The following PKP3 variants were observed in gnomAD, a reference collection of about 807,000 sequenced individuals.
PKP3 encodes plakophilin 3.
In PKP3, 66 loss-of-function variants were observed where a neutral mutation model predicts 76.5. That is an observed-to-expected ratio of 0.86 (90% CI 0.71 to 1.06). PKP3 has a LOEUF of 1.06. PKP3 is among the 50% of genes least tolerant of loss of function. The pLI is 0.00. For missense variants in PKP3, 1,338 were observed against 1,141.0 expected, an observed-to-expected ratio of 1.17 and a Z score of -2.49; for synonymous variants, 638 against 516.5, an observed-to-expected ratio of 1.24 and a Z score of -3.19.
intron 4 of PKP3, 170 bp downstream of exon 4, chr11:397,832 T>C (rs979886701): frequency 3.1e-6 from 2 of 648,018 alleles, no homozygotes; most frequent in Non-Finnish European, 5.2e-6. Flanking sequence ...AGGATACAAT[T>C]TGGATACACC....
In PKP3 at chr11:397,042, C is replaced by A. The variant is rs774558226; in HGVS notation, c.541C>A (p.Leu181Met). 2.9e-5 allele frequency: 46 copies of A among 1,599,484 alleles called. No homozygotes were observed. In the East Asian group the frequency reaches 6.5e-4, roughly 22 times the overall value. ...CCGGGCCGACTATGACACACTCTCC[C>A]TGCGCTCGCTGCGGCTGGGGCCCGG... The part of the protein sequence containing the change: ...GSRADYDTLS[L>M]RSLRLGPGGL... Residue 181 changes from leucine (L) to methionine (M), a missense_variant, in exon 3 of 13, where the codon CTG becomes ATG. Physicochemically the swap from Leu to Met is conservative, Grantham distance 15. Transcript: ENST00000331563.
chr11:400,344 T>C lies in PKP3; in HGVS notation c.1459T>C (p.Ser487Pro), dbSNP rs1456874892. Residue 487 changes from serine (S) to proline (P), a missense_variant, in exon 7 of 13, where the codon TCA becomes CCA. Ser to Pro is a moderately conservative substitution (Grantham distance 74). Transcript: ENST00000331563. ...CACCTCGGTCCCCAGGAACCTCAGC[T>C]CAGCCTCTCAGGCCACTCGCCAGAA... ...NATGFLRNLS[S>P]ASQATRQKMR... The C allele has an allele frequency of 3.2e-6, 5 of 1,549,160 alleles. No homozygotes were observed. The highest frequency in any genetic ancestry group is 4.4e-6 in the Non-Finnish European group (5 of 1,146,340).
chr11:393,181 A>G (rs1846997640), upstream of PKP3, among the ~76,000 whole-genome samples: 1 of 148,894 alleles, frequency 6.7e-6, no homozygotes. Flanking sequence ...TGCTAGAAGG[A>G]GACCTTCTGG....
intron 4 of PKP3, among the ~76,000 whole-genome samples, 187 bp from the exon 5 acceptor site, chr11:398,776 CCGTCACCTCCGTACCCCCGCACACACCTG>C (rs1564879890): frequency 2.2e-3 from 152 of 68,332 alleles, no homozygotes; most frequent in Middle Eastern, 8.9e-3. Flanking sequence ...GCACACACCT[CCGTCACCTCCGTACCCCCGCACACACCTG>C]CGTCACCTCC....
In PKP3 at chr11:394,476, C is replaced by A. The variant is rs781304450; in HGVS notation, c.184C>A (p.Arg62=). Reference sequence around the variant, plus strand: ...CCTCTTGCAGCTGGGACAGCAGCCGCGGCACAACGGGGCCGCTGAGCCCGA... The same window carrying A: ...CCTCTTGCAGCTGGGACAGCAGCCGAGGCACAACGGGGCCGCTGAGCCCGA... ...ARLLQLGQQP[R]HNGAAEPEPE... is the part of the protein sequence containing the mutation. Residue 62 remains arginine (R), a synonymous_variant, in exon 1 of 13, where the codon CGG becomes AGG. Transcript: ENST00000331563. The A allele has an allele frequency of 1.4e-6, 2 of 1,431,608 alleles. No homozygotes were observed. The highest frequency in any genetic ancestry group is 9.1e-7 in the Non-Finnish European group (1 of 1,099,188). 88.7% of individuals were successfully genotyped at this position (1,431,608 alleles called of 1,614,324 possible). A position where few individuals can be genotyped will look rare whatever the true frequency, so the allele number is the denominator to read the frequency against.
At chr11:394,832 G>A (rs1027219767) in intron 1 of PKP3, among the ~76,000 whole-genome samples, 3 of 152,190 alleles carry the variant, frequency 2.0e-5, no homozygotes, top group South Asian at 2.1e-4. Context: ...CAGGCCACTC[G>A]GTCGGCAAAC....
chr11:396,786 G>T (rs753292327), intron 2 of PKP3, 28 bp from the exon 3 acceptor site: 2 of 1,565,154 alleles, frequency 1.3e-6, no homozygotes, highest in African/African-American at 1.3e-5. Context: ...GCCCAGGCAC[G>T]CCCTCACCGC....
At chr11:398,878 A>G in intron 4 of PKP3, 114 bp from the exon 5 acceptor site, 1 of 806,974 alleles carries the variant, frequency 1.2e-6, no homozygotes, top group Non-Finnish European at 1.9e-6. Flanking sequence ...ACCTCCCTAT[A>G]CGGCTGCATC....
In PKP3 at chr11:403,282, A is replaced by G. The variant is rs1847188705; in HGVS notation, c.1923+19A>G. ...CCGCAGGGTGGGGCACCCAACCCAG[A>G]CCCGAGGGGGTCCCAGGGGTTCATG... is the stretch of plus-strand genomic sequence containing the variant. On this transcript the variant is annotated intron_variant, in intron 9 of 12. Transcript: ENST00000331563. 6.7e-7 allele frequency: 1 copy of G among 1,499,706 alleles called. No homozygotes were observed. The highest frequency in any genetic ancestry group is 8.9e-7 in the Non-Finnish European group (1 of 1,122,392). The allele number at this position is 1,499,706 out of a possible 1,614,324, so 92.9% of individuals were successfully genotyped here.
chr11:398,976 A>G lies in PKP3; in HGVS notation c.1069-16A>G, dbSNP rs1219900825. 6.5e-7 allele frequency: 1 copy of G among 1,543,888 alleles called. No individual in the cohort carries two copies. Among genetic ancestry groups the G allele is most frequent in the Middle Eastern group, 1.8e-4 (1 of 5,674 alleles). On this transcript the variant is annotated splice_polypyrimidine_tract_variant and intron_variant, in intron 4 of 12. Coordinates refer to ENST00000331563, the MANE Select transcript of PKP3 (RefSeq NM_007183.4). ...TCCACATGCGTCTGTGCACCCCCAT[A>G]TGCCTGTGCCCGCAGGCCCGCAGCC...
rs1271922819 is a variant in PKP3 at position 397,656 on chromosome 11, G to T, written c.1062G>T (p.Lys354Asn). 12 of 1,610,726 alleles carry T rather than the reference G, an allele frequency of 7.5e-6. No homozygotes were observed. Among genetic ancestry groups the T allele is most frequent in the Admixed American group, 1.7e-5 (1 of 59,780 alleles). Residue 354 changes from lysine (K) to asparagine (N), a missense_variant, in exon 4 of 13, where the codon AAG becomes AAT. Lys to Asn is a moderately conservative substitution (Grantham distance 94). Coordinates refer to ENST00000331563, the MANE Select transcript of PKP3 (RefSeq NM_007183.4). ...QHKCYSDAAA[K>N]KQARSLQAVP... is the part of the protein sequence containing the mutation. ...AGTGCTACAGCGATGCAGCCGCCAAGAAGCAGGTGACCACCCCGACCACCC... is the reference window on the plus strand; with the variant it reads ...AGTGCTACAGCGATGCAGCCGCCAATAAGCAGGTGACCACCCCGACCACCC...
rs1847181401 is a variant in PKP3, at chr11:403,016, CCCGACCCG to C, written c.1738-60_1738-53del. On this transcript the variant is annotated intron_variant, in intron 8 of 12. Transcript: ENST00000331563. Reference sequence around the variant, plus strand: ...CCCCACTCACACCCGACCCGCTCACCCCGACCCGCTCACCCCGACCCGCTCACCCCGAC... The same window carrying C: ...CCCCACTCACACCCGACCCGCTCACCCTCACCCCGACCCGCTCACCCCGAC... The C allele has an allele frequency of 1.2e-5, 7 of 585,960 alleles. 2 individuals are homozygous for C. Among genetic ancestry groups the C allele is most frequent in the African/African-American group, 9.8e-5 (1 of 10,204 alleles). The allele number at this position is 585,960 out of a possible 1,614,324, so 36.3% of individuals were successfully genotyped here. A position where few individuals can be genotyped will look rare whatever the true frequency, so the allele number is the denominator to read the frequency against.
chr11:397,180 G>C lies in PKP3; in HGVS notation c.679G>C (p.Gly227Arg). ...GGCCAGCTCCAGCTCCAGCCGGGCA[G>C]GGGGGCTGGACTGGCCCGAGGCCAC... ...RQASSSSSRA[G>R]GLDWPEATEV... The change falls in exon 3 of 13, where the codon GGG (glycine) becomes CGG (arginine). Residue 227 changes from glycine (G) to arginine (R), a missense_variant. Physicochemically the swap from Gly to Arg is moderately radical, Grantham distance 125. Coordinates refer to ENST00000331563, the MANE Select transcript of PKP3 (RefSeq NM_007183.4). 3 of 1,598,144 alleles carry C rather than the reference G, an allele frequency of 1.9e-6. No individual in the cohort carries two copies. The highest frequency in any genetic ancestry group is 1.1e-5 in the South Asian group (1 of 90,996).
chr11:396,323 C>T, intron 1 of PKP3: 1 of 411,574 alleles, frequency 2.4e-6, no homozygotes, highest in Non-Finnish European at 4.3e-6. Context: ...TGGCACATTC[C>T]TCCTGGCGAC....
upstream of PKP3, chr11:394,134 C>T: frequency 2.5e-6 from 3 of 1,193,412 alleles, no homozygotes; most frequent in Non-Finnish European, 3.3e-6. Flanking sequence ...GTGTCCCCGC[C>T]CCCAGCTGCG....
At chr11:399,698 C>T (rs1050141259) in intron 5 of PKP3, among the ~76,000 whole-genome samples, 9 of 150,178 alleles carry the variant, frequency 6.0e-5, no homozygotes, top group African/African-American at 1.2e-4. Context: ...CCTGGACCCC[C>T]GGCCACCCTG....
chr11:397,256 A>G lies in PKP3; in HGVS notation c.755A>G (p.Gln252Arg). ...TIRAPAVRTL[Q>R]RFQSSHRSRG... ...CGTGCCCCTGCCGTGCGGACCCTGC[A>G]GCGATTCCAGAGCAGCCACCGGAGC... Residue 252 changes from glutamine to arginine, a missense_variant, in exon 3 of 13, where the codon CAG becomes CGG. Transcript: ENST00000331563. The G allele has an allele frequency of 6.3e-7, 1 of 1,599,828 alleles. No individual in the cohort carries two copies. The highest frequency in any genetic ancestry group is 8.5e-7 in the Non-Finnish European group (1 of 1,177,938).
At chr11:398,159 G>T (rs569250037) in intron 4 of PKP3, among the ~76,000 whole-genome samples, 1 of 55,260 alleles carries the variant, frequency 1.8e-5, no homozygotes, top group East Asian at 6.3e-4. Context: ...CCGTACACCC[G>T]CACATACCTG....
chr11:403,483 CG>C (rs1211564804), intron 9 of PKP3, 134 bp from the exon 10 acceptor site: 18 of 922,240 alleles, frequency 2.0e-5, no homozygotes, highest in Non-Finnish European at 2.6e-5. Flanking sequence ...TGATTCCCCC[CG>C]GCTGGGGGGC....
Sources: allele counts gnomAD v4.1 joint callset (sites outside exome capture counted in the v4.1 genomes callset), GRCh38; gene constraint gnomAD v4.1.1; transcripts MANE v1.5; gene names NCBI Gene and HGNC (gene_info 2026-07-23, HGNC 2026-07-21).